SLC30A5: variants seen among roughly 807,000 people sequenced by gnomAD.
SLC30A5 encodes proton-coupled zinc antiporter SLC30A5.
Under a neutral mutation model 79.6 loss-of-function variants are expected in SLC30A5, and 33 were observed. That is an observed-to-expected ratio of 0.41 (90% confidence interval 0.31 to 0.55). SLC30A5 has a LOEUF of 0.55. Among genes scored for constraint, SLC30A5 ranks in the 20% least tolerant of loss-of-function variants. SLC30A5 has a pLI of 0.20. For missense variants in SLC30A5, 788 were observed against 928.1 expected (o/e 0.85, Z 1.96); for synonymous variants, 299 against 319.7 (o/e 0.94, Z 0.69).
At chr5:69,126,082 G>C (rs1282231118) in intron 14 of SLC30A5, among the ~76,000 whole-genome samples, 6 of 151,810 alleles carry the variant, frequency 4.0e-5, no homozygotes, top group Non-Finnish European at 7.4e-5. Context: ...AATAAGATGA[G>C]AATATAAACC....
rs1433225539 is a variant in SLC30A5 at position 69,114,469 on chromosome 5, T to G, written c.585T>G (p.Ile195Met). 1.2e-6 allele frequency: 2 copies of G among 1,607,862 alleles called. No homozygotes were observed. Among genetic ancestry groups the G allele is most frequent in the Non-Finnish European group, 1.7e-6 (2 of 1,175,146 alleles). The change falls in exon 7 of 16, where the codon ATT (isoleucine) becomes ATG (methionine). Residue 195 changes from isoleucine to methionine, a missense_variant. By Grantham distance (10) the Ile-to-Met change is conservative (BLOSUM62 1). Around this residue, in one of 3 missense-constraint regions of SLC30A5, gnomAD observed 626 missense variants for 755.5 expected, o/e 0.83. Transcript: ENST00000396591. Reference sequence around the variant, plus strand: ...TAACTCATATGCTTTACACAGCCATTGCCTTCTTAGGTGTGGCAGATCACA... The same window carrying G: ...TAACTCATATGCTTTACACAGCCATGGCCTTCTTAGGTGTGGCAGATCACA... ...SALTHMLYTA[I>M]AFLGVADHKG...
chr5:69,101,915 C>G (rs1209940491), intron 2 of SLC30A5, among the ~76,000 whole-genome samples: 1 of 150,742 alleles, frequency 6.6e-6, no homozygotes, highest in African/African-American at 2.4e-5. Context: ...TGAGATCATG[C>G]CACTGCACTC....
At chr5:69,100,612 T>TAAAAAAA (rs33982147) in intron 1 of SLC30A5, among the ~76,000 whole-genome samples, 195 bp from the exon 2 acceptor site, 1 of 134,478 alleles carries the variant, frequency 7.4e-6, no homozygotes, top group African/African-American at 2.8e-5. Flanking sequence ...CTCTATGAGT[T>TAAAAAAA]AAAAAAAAAA....
chr5:69,128,551 A>T (rs1746766740), intron 15 of SLC30A5, among the ~76,000 whole-genome samples: 1 of 152,118 alleles, frequency 6.6e-6, no homozygotes, highest in African/African-American at 2.4e-5. Context: ...GCAAGCCATC[A>T]TGCCCGGCCT....
At chr5:69,101,536 C>A (rs1228149292) in intron 2 of SLC30A5, among the ~76,000 whole-genome samples, 1 of 151,920 alleles carries the variant, frequency 6.6e-6, no homozygotes, top group East Asian at 2.0e-4. Flanking sequence ...CTCAGCCTCC[C>A]AAAGTGCTGG....
At chr5:69,103,843 C>T (rs1322754533) in intron 3 of SLC30A5, 5 of 760,814 alleles carry the variant, frequency 6.6e-6, no homozygotes, top group East Asian at 3.1e-5. Context: ...TACAAACCTG[C>T]GTCATAATTT....
intron 4 of SLC30A5, among the ~76,000 whole-genome samples, chr5:69,107,984 G>A (rs1746133089): frequency 6.6e-6 from 1 of 152,126 alleles, no homozygotes; most frequent in African/African-American, 2.4e-5. Context: ...CCCTGCCTTG[G>A]GCTCCCAAAG....
chr5:69,098,065 C>A (rs1456821259), intron 1 of SLC30A5, among the ~76,000 whole-genome samples: 1 of 152,032 alleles, frequency 6.6e-6, no homozygotes, highest in East Asian at 1.9e-4. Context: ...CCAGGTTGGT[C>A]TTGAACTCCT....
At chr5:69,127,810 C>T (rs1356460837) in intron 14 of SLC30A5, among the ~76,000 whole-genome samples, 194 bp from the exon 15 acceptor site, 1 of 151,978 alleles carries the variant, frequency 6.6e-6, no homozygotes, top group Non-Finnish European at 1.5e-5. Flanking sequence ...AGCTATTTTC[C>T]CATCTCCTAT....
At chr5:69,107,541 A>G (rs542649754) in intron 4 of SLC30A5, among the ~76,000 whole-genome samples, 1 of 152,130 alleles carries the variant, frequency 6.6e-6, no homozygotes, top group Admixed American at 6.6e-5. Context: ...AATTGTATGT[A>G]CTGTATTATA....
Position 69,123,274 on chromosome 5 carries a change from TTG to T in SLC30A5, c.1848_1849del (p.Phe616LeufsTer6), listed in dbSNP as rs779250048. ...GTATCCACAGTTCTTATAGAGCAGT[TTG>T]GATGGTTCATCGCTGACCCACTCTG... On this transcript the variant is annotated frameshift_variant, in exon 14 of 16. Transcript: ENST00000396591. LOFTEE classifies it high-confidence loss of function. 1 of 1,614,114 alleles carries T rather than the reference TTG, an allele frequency of 6.2e-7. No individual in the cohort carries two copies. The highest frequency in any genetic ancestry group is 8.5e-7 in the Non-Finnish European group (1 of 1,180,006).
chr5:69,097,659 G>A lies in SLC30A5; in HGVS notation c.84-3148G>A, dbSNP rs116316140. On this transcript the variant is annotated intron_variant, in intron 1 of 15. Transcript: ENST00000396591. Reference sequence around the variant, plus strand: ...ATTCTTTAATTTTTAGTAGAGATGAGGTCCCAGTATGTGAGATTGCAGATG... The same window carrying A: ...ATTCTTTAATTTTTAGTAGAGATGAAGTCCCAGTATGTGAGATTGCAGATG... Among the ~76,000 whole-genome samples, 748 of 152,004 alleles carry A rather than the reference G, an allele frequency of 4.9e-3. 10 individuals are homozygous for A. Among genetic ancestry groups the A allele is most frequent in the African/African-American group, 0.018 (731 of 41,452 alleles).
intron 8 of SLC30A5, 107 bp from the exon 9 acceptor site, chr5:69,115,817 CAT>C (rs1746355236): frequency 1.8e-5 from 16 of 899,704 alleles, no homozygotes; most frequent in Admixed American, 1.3e-4. Context: ...TATTATGAAT[CAT>C]ATTGAATCAT....
At chr5:69,101,283 T>C (rs1273875995) in intron 2 of SLC30A5, among the ~76,000 whole-genome samples, 1 of 152,014 alleles carries the variant, frequency 6.6e-6, no homozygotes, top group African/African-American at 2.4e-5. Flanking sequence ...AATGCTTTTT[T>C]TTTTTCTTTT....
At chr5:69,125,425 C>T (rs1268732367) in intron 14 of SLC30A5, among the ~76,000 whole-genome samples, 1 of 151,794 alleles carries the variant, frequency 6.6e-6, no homozygotes, top group East Asian at 1.9e-4. Context: ...ACTCAGGAGG[C>T]TGAGTCAGTA....
At chr5:69,101,874 T>G (rs1745931321) in intron 2 of SLC30A5, among the ~76,000 whole-genome samples, 1 of 150,746 alleles carries the variant, frequency 6.6e-6, no homozygotes, top group Non-Finnish European at 1.5e-5. Flanking sequence ...GGAGGATTGC[T>G]TGAACCTGGG....
At chr5:69,123,717 A>T (rs1746596928) in intron 14 of SLC30A5, among the ~76,000 whole-genome samples, 1 of 152,136 alleles carries the variant, frequency 6.6e-6, no homozygotes, top group African/African-American at 2.4e-5. Flanking sequence ...TTTTATTTAG[A>T]TTTCAATTTA....
Position 69,129,722 on chromosome 5 carries a change from C to A in SLC30A5, c.*105C>A. ...AAATTACACATTAACTGTACAGAAA[C>A]AGAGTTCCCTACTACTGGATCAAGG... On this transcript the variant is annotated 3_prime_UTR_variant, in exon 16 of 16. Transcript: ENST00000396591. The A allele has an allele frequency of 1.0e-6, 1 of 1,001,050 alleles. No homozygotes were observed. Among genetic ancestry groups the A allele is most frequent in the Non-Finnish European group, 1.4e-6 (1 of 703,744 alleles). 62.0% of individuals were successfully genotyped at this position (1,001,050 alleles called of 1,614,324 possible).
At chr5:69,106,906 T>G (rs1296395384) in intron 4 of SLC30A5, among the ~76,000 whole-genome samples, 1 of 151,978 alleles carries the variant, frequency 6.6e-6, no homozygotes, top group African/African-American at 2.4e-5. Flanking sequence ...TGCTCTGTCA[T>G]TCAGACTAGA....
Sources: gnomAD v4.1 joint callset for allele counts (sites outside exome capture counted in the v4.1 genomes callset) on GRCh38, gnomAD v4.1.1 for gene constraint, gnomAD v4.1.1 regional missense constraint, MANE v1.5 for transcripts, NCBI Gene and HGNC (gene_info 2026-07-23, HGNC 2026-07-21) for gene names.